The following RGS17 variants were observed in gnomAD, a reference collection of about 807,000 sequenced individuals.
RGS17 encodes the protein regulator of G protein signaling 17, also known as regulator of G-protein signaling 17.
RGS17 carries 12 observed loss-of-function variants against 25.5 expected under a neutral mutation model. That is an observed-to-expected ratio of 0.47 (90% CI 0.30 to 0.76). RGS17 has a LOEUF of 0.76. Among genes scored for constraint, RGS17 ranks in the 30% least tolerant of loss-of-function variants. RGS17 has a pLI of 0.07. For missense variants in RGS17, 196 were observed against 242.2 expected, an observed-to-expected ratio of 0.81 and a Z score of 1.27; for synonymous variants, 71 against 76.9, an observed-to-expected ratio of 0.92 and a Z score of 0.40.
intron 1 of RGS17, among the ~76,000 whole-genome samples, chr6:153,092,325 G>C (rs655370): frequency 0.41 from 62,025 of 152,078 alleles, 13,379 homozygotes; most frequent in Non-Finnish European, 0.48. Flanking sequence ...GAAGGAAGCA[G>C]TTGAAGACTC....
chr6:153,008,820 C>T lies in RGS17; in HGVS notation c.*2754G>A, dbSNP rs867276824. The T allele has an allele frequency of 6.6e-6, 1 of 152,112 alleles. No homozygotes were observed. Among genetic ancestry groups the T allele is most frequent in the African/African-American group, 2.4e-5 (1 of 41,434 alleles). The allele number at this position is 152,112 out of a possible 1,614,324, so 9.4% of individuals were successfully genotyped here. A position where few individuals can be genotyped will look rare whatever the true frequency, so the allele number is the denominator to read the frequency against. On this transcript the variant is annotated 3_prime_UTR_variant, in exon 5 of 5. Transcript: ENST00000206262. ...TGGTAGCATAGACACCAGTTGAAGG[C>T]TCTTTTGTTTATTTATAATAGCTCT...
At position 153,130,507 on chromosome 6, in the gene RGS17, CA is replaced by C. The variant is rs1195875058; in HGVS notation, c.-26+616del. 3.3e-5 allele frequency among the ~76,000 whole-genome samples: 5 copies of C among 151,886 alleles called. No homozygotes were observed. The highest frequency in any genetic ancestry group is 1.9e-4 in the East Asian group (1 of 5,160). ...ATACACACACACACACACACACACA[CA>C]CCCCTCCGGTATTTTACTGCTGGTC... On this transcript the variant is annotated intron_variant, in intron 1 of 4. Transcript: ENST00000206262. This position sits in a 1 kb window ranked among gnomAD's most constrained non-coding sequence, Gnocchi z 6.4.
intron 1 of RGS17, among the ~76,000 whole-genome samples, chr6:153,072,813 T>A (rs1441580475): frequency 1.3e-5 from 2 of 148,600 alleles, no homozygotes; most frequent in East Asian, 4.0e-4. Context: ...TAGAGTTAAA[T>A]TATTTTATTC....
intron 1 of RGS17, among the ~76,000 whole-genome samples, chr6:153,090,276 G>A (rs1777108489): frequency 6.6e-6 from 1 of 151,932 alleles, no homozygotes; most frequent in Non-Finnish European, 1.5e-5. Flanking sequence ...GGCTTTCTGT[G>A]GTTTTAGTTA....
intron 1 of RGS17, among the ~76,000 whole-genome samples, chr6:153,093,054 T>G (rs1777155520): frequency 6.6e-6 from 1 of 152,228 alleles, no homozygotes. Flanking sequence ...TTAGGAAATA[T>G]TATTATCAAG....
At chr6:153,017,705 C>T (rs1040509115) in intron 4 of RGS17, among the ~76,000 whole-genome samples, 6 of 152,072 alleles carry the variant, frequency 3.9e-5, no homozygotes, top group Non-Finnish European at 7.4e-5. Flanking sequence ...TTATTTAATT[C>T]CCTGAACAAT....
At chr6:153,109,467 T>C (rs1777435512) in intron 1 of RGS17, among the ~76,000 whole-genome samples, 1 of 152,240 alleles carries the variant, frequency 6.6e-6, no homozygotes, top group Non-Finnish European at 1.5e-5. Flanking sequence ...GTCAGGAAAG[T>C]CTTTGCTTAC....
intron 1 of RGS17, among the ~76,000 whole-genome samples, chr6:153,063,286 A>G (rs1041821509): frequency 3.3e-5 from 5 of 152,242 alleles, no homozygotes; most frequent in African/African-American, 7.2e-5. Context: ...CCTTTCGGAC[A>G]GAGAATTCAA....
At chr6:153,086,169 A>G (rs1487348598) in intron 1 of RGS17, among the ~76,000 whole-genome samples, 1 of 152,220 alleles carries the variant, frequency 6.6e-6, no homozygotes, top group Admixed American at 6.5e-5. Flanking sequence ...AACAGAAAAA[A>G]TGAAAAAATA....
At chr6:153,115,437 A>G (rs1777530421) in intron 1 of RGS17, among the ~76,000 whole-genome samples, 1 of 152,238 alleles carries the variant, frequency 6.6e-6, no homozygotes, top group Non-Finnish European at 1.5e-5. Flanking sequence ...GAGGACACAA[A>G]TGGTAAAACA....
chr6:153,059,809 A>G (rs960480534), intron 1 of RGS17, among the ~76,000 whole-genome samples: 3 of 152,322 alleles, frequency 2.0e-5, no homozygotes, highest in Admixed American at 6.5e-5. Flanking sequence ...TTAAATATCA[A>G]TGCAAGGGTG....
At chr6:153,025,976 T>C (rs1439092343) in intron 3 of RGS17, among the ~76,000 whole-genome samples, 1 of 152,066 alleles carries the variant, frequency 6.6e-6, no homozygotes, top group African/African-American at 2.4e-5. Context: ...GGACTATTTG[T>C]ATTTTGATTT....
intron 1 of RGS17, among the ~76,000 whole-genome samples, chr6:153,081,135 CTCT>C (rs1483353006): frequency 6.6e-6 from 1 of 152,114 alleles, no homozygotes. Context: ...GTGCTATTCA[CTCT>C]TCTTTATCCT....
intron 2 of RGS17, among the ~76,000 whole-genome samples, chr6:153,033,947 ATAG>A (rs1317904178): frequency 6.6e-6 from 1 of 152,158 alleles, no homozygotes; most frequent in Non-Finnish European, 1.5e-5. Context: ...AGGAGCAATA[ATAG>A]TGTGACTGTT....
intron 1 of RGS17, among the ~76,000 whole-genome samples, chr6:153,070,201 A>G (rs1170232040): frequency 6.6e-6 from 1 of 152,082 alleles, no homozygotes; most frequent in Non-Finnish European, 1.5e-5. Context: ...AAGAAATAAT[A>G]AGTAAAATGA....
At chr6:153,077,977 A>C (rs922212261) in intron 1 of RGS17, among the ~76,000 whole-genome samples, 7 of 151,856 alleles carry the variant, frequency 4.6e-5, no homozygotes, top group Non-Finnish European at 1.0e-4. Context: ...AGGTTCAAGC[A>C]ATTCTCCTGC....
chr6:153,046,779 A>C (rs1776390461), intron 1 of RGS17, among the ~76,000 whole-genome samples: 2 of 152,112 alleles, frequency 1.3e-5, no homozygotes, highest in Admixed American at 1.3e-4. Context: ...TTTCTTCATA[A>C]GGGGAAAAAT....
chr6:153,058,575 T>C (rs1344014098), intron 1 of RGS17, among the ~76,000 whole-genome samples: 1 of 152,170 alleles, frequency 6.6e-6, no homozygotes. Flanking sequence ...TACCATGTAG[T>C]TGTTGATTCA....
At chr6:153,092,905 TGG>T (rs1777153865) in intron 1 of RGS17, among the ~76,000 whole-genome samples, 1 of 152,028 alleles carries the variant, frequency 6.6e-6, no homozygotes, top group South Asian at 2.1e-4. Flanking sequence ...CAGTGAAAGG[TGG>T]GGGGAAATGG....
Sources: gnomAD v4.1 joint callset for allele counts (sites outside exome capture counted in the v4.1 genomes callset) on GRCh38, gnomAD v4.1.1 for gene constraint, Gnocchi (gnomAD v3.1) non-coding constraint, MANE v1.5 for transcripts, NCBI Gene and HGNC (gene_info 2026-07-23, HGNC 2026-07-21) for gene names.